ENO4: variants seen among roughly 807,000 people sequenced by gnomAD.
ENO4 encodes the protein enolase 4.
Under a neutral mutation model 63.2 loss-of-function variants are expected in ENO4, and 53 were observed. That is an observed-to-expected ratio of 0.84 (90% CI 0.67 to 1.05). The LOEUF is 1.05. Ranked by LOEUF, ENO4 falls within the 50% of genes least tolerant of loss-of-function variation. ENO4 has a pLI of 0.00. For missense variants in ENO4, 719 were observed against 772.0 expected, an observed-to-expected ratio of 0.93 and a Z score of 0.81; for synonymous variants, 266 against 283.8, an observed-to-expected ratio of 0.94 and a Z score of 0.63.
chr10:116,867,099 T>C (rs1187063337), intron 7 of ENO4, among the ~76,000 whole-genome samples: 2 of 152,118 alleles, frequency 1.3e-5, no homozygotes, highest in African/African-American at 2.4e-5. Flanking sequence ...CAGGAGATGA[T>C]AGGAGTGGAA....
At chr10:116,901,249 A>G (rs1452804516) in intron 10 of ENO4, 1 of 985,190 alleles carries the variant, frequency 1.0e-6, no homozygotes, top group Admixed American at 6.1e-5. Context: ...TTTGACAATC[A>G]AAGTGCCACT....
Position 116,849,617 on chromosome 10 carries a change from G to A in ENO4, c.51G>A (p.Gln17=), listed in dbSNP as rs139446019. 6 of 1,550,196 alleles carry A rather than the reference G, an allele frequency of 3.9e-6. No individual in the cohort carries two copies. In the East Asian group the frequency reaches 1.5e-4, roughly 38 times the overall value. ...GRSCGTTREL[Q]KLKQQAMEYY... Reference sequence around the variant, plus strand: ...GCTGTGGGACCACTAGGGAGCTGCAGAAGCTGAAGCAGCAGGCGATGGAGT... The same window carrying A: ...GCTGTGGGACCACTAGGGAGCTGCAAAAGCTGAAGCAGCAGGCGATGGAGT... Residue 17 remains glutamine (Q), a synonymous_variant, in exon 1 of 14, where the codon CAG becomes CAA. Transcript: ENST00000341276.
At chr10:116,879,492 C>T in intron 12 of ENO4, 134 bp downstream of exon 12, 3 of 683,682 alleles carry the variant, frequency 4.4e-6, no homozygotes, top group Non-Finnish European at 7.1e-6. Context: ...AGATAGCTAC[C>T]TTTTGCAAAG....
chr10:116,862,728 C>A lies in ENO4; in HGVS notation c.937-71C>A, dbSNP rs189147503. ...AAATACTCTGAGTTAGAAATAGCCA[C>A]GTGTTATAAGTTTTTATACTTAAAT... On this transcript the variant is annotated intron_variant, in intron 6 of 13. Coordinates refer to ENST00000341276, the MANE Select transcript of ENO4 (RefSeq NM_001242699.2). The A allele has an allele frequency of 1.7e-3, 1,877 of 1,079,350 alleles. 5 individuals carry two copies. The highest frequency in any genetic ancestry group is 2.3e-3 in the Non-Finnish European group (1,643 of 721,634). The allele number at this position is 1,079,350 out of a possible 1,614,324, so 66.9% of individuals were successfully genotyped here. A position where few individuals can be genotyped will look rare whatever the true frequency, so the allele number is the denominator to read the frequency against.
intron 11 of ENO4, among the ~76,000 whole-genome samples, chr10:116,878,114 A>G (rs1846887895): frequency 6.6e-6 from 1 of 152,212 alleles, no homozygotes; most frequent in South Asian, 2.1e-4. Context: ...ACGGACCACA[A>G]TCACTTATAC....
intron 6 of ENO4, among the ~76,000 whole-genome samples, chr10:116,862,428 G>A (rs572194582): frequency 2.4e-4 from 37 of 151,726 alleles, no homozygotes; most frequent in Admixed American, 1.3e-4. Flanking sequence ...GCCACTGCAC[G>A]CCAGCCTGGG....
chr10:116,875,131 GATTGAACAGATAT>G (rs1291137059), intron 10 of ENO4, among the ~76,000 whole-genome samples: 2 of 152,152 alleles, frequency 1.3e-5, no homozygotes, highest in East Asian at 1.9e-4. Context: ...ACATCAGATA[GATTGAACAGATAT>G]ATTGAACAGA....
chr10:116,854,940 CAAAAAAAAAAAAAAAAAA>C (rs71013620), intron 1 of ENO4, among the ~76,000 whole-genome samples: 4 of 41,526 alleles, frequency 9.6e-5, no homozygotes, highest in Admixed American at 4.3e-4. Context: ...GACCCTGTCT[CAAAAAAAAAAAAAAAAAA>C]AAAAAAAAAA....
chr10:116,878,802 G>C (rs1846912242), intron 11 of ENO4, among the ~76,000 whole-genome samples: 1 of 138,522 alleles, frequency 7.2e-6, no homozygotes, highest in African/African-American at 2.7e-5. Context: ...GGAGTGCAGT[G>C]GCGCGATCTC....
intron 11 of ENO4, among the ~76,000 whole-genome samples, chr10:116,876,677 G>A (rs1296460072): frequency 6.6e-6 from 1 of 152,218 alleles, no homozygotes; most frequent in Non-Finnish European, 1.5e-5. Flanking sequence ...CTGGCCGGGC[G>A]CAGTGGCTCA....
downstream of ENO4, chr10:116,883,461 GATA>G (rs1847079964): frequency 6.6e-6 from 1 of 152,184 alleles, no homozygotes; most frequent in African/African-American, 2.4e-5. Flanking sequence ...GAAGGTCAGT[GATA>G]ATGACAGATG....
chr10:116,878,648 G>A (rs1434626347), intron 11 of ENO4, among the ~76,000 whole-genome samples: 7 of 151,518 alleles, frequency 4.6e-5, no homozygotes, highest in Non-Finnish European at 7.4e-5. Context: ...ATGTCTTATA[G>A]CCGCGGTCTT....
At chr10:116,855,868 T>C in intron 2 of ENO4, 117 bp downstream of exon 2, 1 of 1,154,736 alleles carries the variant, frequency 8.7e-7, no homozygotes, top group Non-Finnish European at 1.2e-6. Context: ...GAAATATATT[T>C]CATAGGTAGT....
chr10:116,864,373 G>T (rs950565224), intron 7 of ENO4: 1 of 152,090 alleles, frequency 6.6e-6, no homozygotes, highest in African/African-American at 2.4e-5. Flanking sequence ...TATTCGGGAG[G>T]CTGAGGCAGG....
rs537895756 is a variant in ENO4 at position 116,910,778 on chromosome 10, A to G, written c.1195-721A>G. On this transcript the variant is annotated intron_variant, in intron 10 of 10. Coordinates refer to the ENO4 transcript ENST00000369207. ...TTTCTGATCAAAGAATCTATTAGAT[A>G]ATCACCACATGCTTTTTCAATGGCT... 9.2e-5 allele frequency among the ~76,000 whole-genome samples: 14 copies of G among 152,328 alleles called. No individual in the cohort carries two copies. In the South Asian group the frequency reaches 1.2e-3, roughly 14 times the overall value.
intron 7 of ENO4, among the ~76,000 whole-genome samples, chr10:116,865,271 T>C (rs893276826): frequency 2.0e-4 from 30 of 152,206 alleles, no homozygotes; most frequent in African/African-American, 7.2e-4. Context: ...CACTGCAACC[T>C]CTGCTTTCCG....
At chr10:116,901,076 G>C in intron 10 of ENO4, 1 of 985,372 alleles carries the variant, frequency 1.0e-6, no homozygotes, top group Non-Finnish European at 1.2e-6. Context: ...GATCTGATTT[G>C]TCTCACCTCT....
downstream of ENO4, chr10:116,885,334 C>G (rs1330599095): frequency 6.6e-6 from 1 of 152,430 alleles, no homozygotes; most frequent in Non-Finnish European, 1.5e-5. Context: ...TTGAAACAAT[C>G]AACTTTGAAA....
At chr10:116,884,924 TAAAG>T (rs796911852), downstream of ENO4, 15 of 152,330 alleles carry the variant, frequency 9.8e-5, no homozygotes, top group African/African-American at 3.4e-4. Flanking sequence ...ATTATCCAGT[TAAAG>T]AAAGATACAG....
Sources: allele counts gnomAD v4.1 joint callset (sites outside exome capture counted in the v4.1 genomes callset), GRCh38; gene constraint gnomAD v4.1.1; transcripts MANE v1.5; gene names NCBI Gene and HGNC (gene_info 2026-07-23, HGNC 2026-07-21).